The following SHROOM4 variants were observed in gnomAD, a reference collection of about 807,000 sequenced individuals.
SHROOM4 encodes the protein protein Shroom4.
SHROOM4 carries 17 observed loss-of-function variants against 80.3 expected under a neutral mutation model. That is an observed-to-expected ratio of 0.21 (90% CI 0.14 to 0.32). The LOEUF (loss-of-function observed/expected upper bound fraction) is 0.32. Ranked by LOEUF, SHROOM4 falls within the 10% of genes least tolerant of loss-of-function variation. The pLI is 1.00. For synonymous variants in SHROOM4, 400 were observed against 437.5 expected (o/e 0.91, Z 1.07); for missense variants, 993 against 1,140.3 (o/e 0.87, Z 1.86).
At chrX:50,718,969 GCA>G (rs1410556721) in intron 1 of SHROOM4, among the ~76,000 whole-genome samples, 22 of 111,539 alleles carry the variant, frequency 2.0e-4, no homozygotes, top group African/African-American at 6.2e-4. Context: ...ATTATGGCAG[GCA>G]AGAGGCCTGC....
rs1557255145 is a variant in SHROOM4 at position 50,634,344 on chromosome X, G to A, written c.1729C>T (p.Arg577Cys). 5.8e-6 allele frequency: 7 copies of A among 1,210,925 alleles called. No individual in the cohort carries two copies. Among genetic ancestry groups the A allele is most frequent in the Non-Finnish European group, 7.8e-6 (7 of 895,342 alleles). Reference protein sequence around the residue: ...GGRRSGGTRGRSIQNRRKSER... With the variant: ...GGRRSGGTRGCSIQNRRKSER... ...CTCTTCCGCCGGTTTTGGATCGAGC[G>A]GCCCCGGGTCCCTCCACTTCGCCTA... Residue 577 changes from arginine to cysteine, a missense_variant, in exon 4 of 9, where the codon CGC becomes TGC. Transcript: ENST00000376020.
intron 2 of SHROOM4, among the ~76,000 whole-genome samples, chrX:50,662,575 T>G (rs1042994397): frequency 9.0e-6 from 1 of 111,631 alleles, no homozygotes; most frequent in Non-Finnish European, 1.9e-5. Context: ...AAAGCTGCAA[T>G]GATGAAACAA....
At chrX:50,783,017 C>T (rs1239460802) in intron 1 of SHROOM4, among the ~76,000 whole-genome samples, 3 of 111,611 alleles carry the variant, frequency 2.7e-5, no homozygotes, top group African/African-American at 9.8e-5. Context: ...ATTAAATGTT[C>T]TTACCACAAT....
intron 5 of SHROOM4, among the ~76,000 whole-genome samples, chrX:50,626,020 A>G (rs890731238): frequency 3.6e-5 from 4 of 112,097 alleles, no homozygotes; most frequent in African/African-American, 1.3e-4. Context: ...TCCTCATAAC[A>G]ACAAACATTT....
chrX:50,635,280 C>A lies in SHROOM4; in HGVS notation c.793G>T (p.Gly265Trp). 1 of 1,201,588 alleles carries A rather than the reference C, an allele frequency of 8.3e-7. No homozygotes were observed. The highest frequency in any genetic ancestry group is 1.1e-6 in the Non-Finnish European group (1 of 890,321). The change falls in exon 4 of 9, where the codon GGG becomes TGG. Residue 265 changes from glycine to tryptophan, a missense_variant. Transcript: ENST00000376020. ...GGGCCCCTGACTGCTTTGGCGGGCCCTGACTGGTATCCCTCCTGTGGACGG... is the reference window on the plus strand; with the variant it reads ...GGGCCCCTGACTGCTTTGGCGGGCCATGACTGGTATCCCTCCTGTGGACGG... The part of the protein sequence containing the change: ...SSRPQEGYQS[G>W]PAKAVRGPPQ...
At chrX:50,601,008 G>A (rs1929371675) in intron 7 of SHROOM4, among the ~76,000 whole-genome samples, 1 of 112,093 alleles carries the variant, frequency 8.9e-6, no homozygotes, top group Non-Finnish European at 1.9e-5. Flanking sequence ...ATAGATGGAA[G>A]GATAAAAGTG....
chrX:50,616,899 A>G (rs782196679), intron 5 of SHROOM4, among the ~76,000 whole-genome samples: 29 of 111,702 alleles, frequency 2.6e-4, no homozygotes, highest in Non-Finnish European at 4.9e-4. Context: ...GCCCATTTCT[A>G]TCTCCTGTCC....
Position 50,594,698 on chromosome X carries a change from T to C in SHROOM4, c.*1997A>G, listed in dbSNP as rs1450709993. The C allele has an allele frequency of 2.7e-5, 3 of 111,870 alleles. No homozygotes were observed. Among genetic ancestry groups the C allele is most frequent in the Admixed American group, 1.9e-4 (2 of 10,569 alleles). The allele number at this position is 111,870 out of a possible 1,213,427, so 9.2% of individuals were successfully genotyped here. A position where few individuals can be genotyped will look rare whatever the true frequency, so the allele number is the denominator to read the frequency against. Reference sequence around the variant, plus strand: ...CCTAGAGCCTGCTCAGAAGAAAAGATGACAACTATGGCCTCCATTGAAAGC... The same window carrying C: ...CCTAGAGCCTGCTCAGAAGAAAAGACGACAACTATGGCCTCCATTGAAAGC... On this transcript the variant is annotated 3_prime_UTR_variant, in exon 9 of 9. Coordinates refer to ENST00000376020, the MANE Select transcript of SHROOM4 (RefSeq NM_020717.5).
Position 50,607,462 on chromosome X carries a change from G to A in SHROOM4, c.3680C>T (p.Pro1227Leu). The A allele has an allele frequency of 8.3e-7, 1 of 1,211,676 alleles. No homozygotes were observed. The highest frequency in any genetic ancestry group is 1.1e-6 in the Non-Finnish European group (1 of 895,469). ...PPIRGHLGSQ[P>L]EQAQPPCYYG... ...GTAGCAAGGGGGCTGAGCCTGCTCA[G>A]GTTGAGATCCCAAGTGACCCCTTAT... is the stretch of plus-strand genomic sequence containing the variant. The change falls in exon 6 of 9, where the codon CCT (proline) becomes CTT (leucine). Residue 1227 changes from proline (P) to leucine (L), a missense_variant. Coordinates refer to ENST00000376020, the MANE Select transcript of SHROOM4 (RefSeq NM_020717.5).
chrX:50,755,047 G>C (rs1935009861), intron 1 of SHROOM4, among the ~76,000 whole-genome samples: 1 of 112,194 alleles, frequency 8.9e-6, no homozygotes, highest in Non-Finnish European at 1.9e-5. Context: ...CACAGTGCCT[G>C]GCACAGTTAG....
At chrX:50,806,884 T>C (rs1332099286) in intron 1 of SHROOM4, among the ~76,000 whole-genome samples, 1 of 112,342 alleles carries the variant, frequency 8.9e-6, no homozygotes, top group Non-Finnish European at 1.9e-5. Context: ...TGTTCCTAAC[T>C]TATGAATGCA....
At chrX:50,778,321 T>A (rs1557270318) in intron 1 of SHROOM4, among the ~76,000 whole-genome samples, 1 of 112,365 alleles carries the variant, frequency 8.9e-6, no homozygotes, top group African/African-American at 3.2e-5. Flanking sequence ...AGCACTGCAT[T>A]ACGTAGTAGA....
chrX:50,795,648 A>G (rs1277192857), intron 1 of SHROOM4, among the ~76,000 whole-genome samples: 1 of 111,591 alleles, frequency 9.0e-6, no homozygotes, highest in African/African-American at 3.3e-5. Flanking sequence ...CCATGATAAC[A>G]AGTCACTGGG....
At chrX:50,769,352 A>G (rs782311220) in intron 1 of SHROOM4, among the ~76,000 whole-genome samples, 16 of 112,369 alleles carry the variant, frequency 1.4e-4, no homozygotes, top group Non-Finnish European at 2.4e-4. Context: ...TGAAAATAGA[A>G]AAGGTCAGTT....
intron 5 of SHROOM4, among the ~76,000 whole-genome samples, chrX:50,615,427 C>T (rs781942191): frequency 1.5e-4 from 17 of 110,869 alleles, no homozygotes; most frequent in Non-Finnish European, 3.0e-4. Context: ...CTGATTCCCC[C>T]AAAGCATGGG....
At chrX:50,676,160 T>C (rs782573335) in intron 2 of SHROOM4, among the ~76,000 whole-genome samples, 1 of 111,752 alleles carries the variant, frequency 8.9e-6, no homozygotes, top group Non-Finnish European at 1.9e-5. Flanking sequence ...CATGGAATTA[T>C]GTTTTCCAGT....
chrX:50,590,668 A>G lies in SHROOM4; in HGVS notation c.*6027T>C, dbSNP rs527520388. On this transcript the variant is annotated 3_prime_UTR_variant, in exon 9 of 9. Coordinates refer to ENST00000376020, the MANE Select transcript of SHROOM4 (RefSeq NM_020717.5). ...CTGGCATCTTGCTCTCAGATTTCCC[A>G]GTCTCCAGGACTGTGAGAAATAAAT... 1.8e-5 allele frequency among the ~76,000 whole-genome samples: 2 copies of G among 112,243 alleles called. No individual in the cohort carries two copies. Among genetic ancestry groups the G allele is most frequent in the African/African-American group, 6.5e-5 (2 of 30,960 alleles).
rs1557254634 is a variant in SHROOM4, at chrX:50,633,404, C to T, written c.2669G>A (p.Cys890Tyr). The change falls in exon 4 of 9, where the codon TGC (cysteine) becomes TAC (tyrosine). Residue 890 changes from cysteine to tyrosine, a missense_variant. By Grantham distance (194) the Cys-to-Tyr change is radical (BLOSUM62 -2). Transcript: ENST00000376020. Reference sequence around the variant, plus strand: ...ATGGACTAGAGCTCCTTGAACACTGCAGGAGTAAGAGCAGGTCCTGTGGTA... The same window carrying T: ...ATGGACTAGAGCTCCTTGAACACTGTAGGAGTAAGAGCAGGTCCTGTGGTA... ...FDYHRTCSYS[C>Y]SVQGALVHDP... 7 of 1,211,861 alleles carry T rather than the reference C, an allele frequency of 5.8e-6. No homozygotes were observed. The highest frequency in any genetic ancestry group is 1.7e-5 in the African/African-American group (1 of 57,870).
intron 2 of SHROOM4, among the ~76,000 whole-genome samples, chrX:50,668,673 G>A (rs1273412852): frequency 8.9e-6 from 1 of 111,937 alleles, no homozygotes; most frequent in Non-Finnish European, 1.9e-5. Flanking sequence ...ATATGATAAA[G>A]CACCCATTAT....
Sources: allele counts gnomAD v4.1 joint callset (sites outside exome capture counted in the v4.1 genomes callset), GRCh38; gene constraint gnomAD v4.1.1; transcripts MANE v1.5; gene names NCBI Gene and HGNC (gene_info 2026-07-23, HGNC 2026-07-21).